Variants in FAF2 observed in about 807,000 individuals in gnomAD.
The protein encoded by FAF2 is Fas associated factor family member 2, also known as FAS-associated factor 2.
A neutral mutation model predicts 62.3 loss-of-function variants in FAF2; 9 were observed. The ratio of observed to expected loss-of-function variants is 0.14; its 90% CI spans 0.09 to 0.25. The LOEUF is 0.25. Ranked by LOEUF, FAF2 falls within the 10% of genes least tolerant of loss-of-function variation. FAF2 has a pLI of 1.00. For missense variants in FAF2, 368 were observed against 556.2 expected (o/e 0.66, Z 3.40); for synonymous variants, 202 against 198.0 (o/e 1.02, Z -0.17).
chr5:176,476,631 T>C (rs1409076760), intron 1 of FAF2, among the ~76,000 whole-genome samples: 1 of 110,554 alleles, frequency 9.0e-6, no homozygotes, highest in East Asian at 3.7e-4. Flanking sequence ...GAGTCCCTTT[T>C]TTTTTTTTTT....
intron 10 of FAF2, 60 bp from the exon 11 acceptor site, chr5:176,506,698 CGTGTGTGCGT>C (rs1425009538): frequency 0.031 from 4,652 of 148,184 alleles, no homozygotes; most frequent in Non-Finnish European, 0.038. Context: ...GTTGTGTGTG[CGTGTGTGCGT>C]GTGTGTGTGT....
intron 2 of FAF2, among the ~76,000 whole-genome samples, chr5:176,483,296 G>A (rs1057322888): frequency 2.0e-5 from 3 of 151,944 alleles, no homozygotes; most frequent in Non-Finnish European, 4.4e-5. Flanking sequence ...TTCTTTTGTC[G>A]CGTGTGCTTT....
intron 4 of FAF2, among the ~76,000 whole-genome samples, chr5:176,490,038 T>G (rs973128381): frequency 6.6e-6 from 1 of 152,112 alleles, no homozygotes; most frequent in Non-Finnish European, 1.5e-5. Context: ...CTGGCCGGGC[T>G]CTGTGGCTCA....
At chr5:176,492,502 C>G (rs772342064) in intron 5 of FAF2, among the ~76,000 whole-genome samples, 170 bp downstream of exon 5, 7 of 152,218 alleles carry the variant, frequency 4.6e-5, no homozygotes, top group Non-Finnish European at 8.8e-5. Flanking sequence ...GCTGGCCCCT[C>G]TTTGATCTAA....
chr5:176,455,816 G>A (rs1426082619), intron 1 of FAF2, among the ~76,000 whole-genome samples: 3 of 149,384 alleles, frequency 2.0e-5, no homozygotes, highest in Non-Finnish European at 4.4e-5. Flanking sequence ...TAAAGAAAAC[G>A]ATAGGCTTTT....
At chr5:176,472,823 A>G (rs1758598615) in intron 1 of FAF2, among the ~76,000 whole-genome samples, 1 of 152,086 alleles carries the variant, frequency 6.6e-6, no homozygotes, top group South Asian at 2.1e-4. Context: ...GCCTGAAATG[A>G]ATGATCTTTC....
chr5:176,485,145 C>G (rs114522096), intron 2 of FAF2, among the ~76,000 whole-genome samples: 1 of 152,106 alleles, frequency 6.6e-6, no homozygotes, highest in Non-Finnish European at 1.5e-5. Flanking sequence ...CATTCAAGTT[C>G]GGTACTATAC....
chr5:176,493,053 T>C (rs1338065952), intron 5 of FAF2, among the ~76,000 whole-genome samples: 1 of 152,290 alleles, frequency 6.6e-6, no homozygotes, highest in Non-Finnish European at 1.5e-5. Flanking sequence ...GGTATATCTC[T>C]AGTTTGCCAG....
chr5:176,452,545 G>T (rs879902846), intron 1 of FAF2, among the ~76,000 whole-genome samples: 1 of 152,182 alleles, frequency 6.6e-6, no homozygotes, highest in Non-Finnish European at 1.5e-5. Context: ...TCTAGATCTG[G>T]ACTTGATGGC....
At chr5:176,476,709 C>A (rs1758698761) in intron 1 of FAF2, among the ~76,000 whole-genome samples, 2 of 147,046 alleles carry the variant, frequency 1.4e-5, no homozygotes, top group South Asian at 4.5e-4. Flanking sequence ...CTCGGCTCAC[C>A]ACAACCTCTG....
At chr5:176,454,597 AAAAAAAAAAAAAAAT>A (rs1463168764) in intron 1 of FAF2, among the ~76,000 whole-genome samples, 1 of 136,700 alleles carries the variant, frequency 7.3e-6, no homozygotes, top group Non-Finnish European at 1.6e-5. Context: ...AAAAAAAAAA[AAAAAAAAAAAAAAAT>A]CTAATAATAC....
chr5:176,488,855 G>C (rs547179759), intron 3 of FAF2, 96 bp from the exon 4 acceptor site: 93 of 950,074 alleles, frequency 9.8e-5, no homozygotes, highest in Middle Eastern at 2.1e-4. Flanking sequence ...CAAATCACAT[G>C]GAAGGACCAA....
intron 3 of FAF2, among the ~76,000 whole-genome samples, chr5:176,487,277 C>T (rs762901152): frequency 7.9e-5 from 12 of 152,102 alleles, no homozygotes; most frequent in Non-Finnish European, 1.2e-4. Context: ...CTAGACCTCC[C>T]GGGCTCAAGC....
intron 10 of FAF2, among the ~76,000 whole-genome samples, chr5:176,505,500 G>A (rs1755661441): frequency 6.6e-6 from 1 of 152,108 alleles, no homozygotes; most frequent in South Asian, 2.1e-4. Context: ...TGGGGAACAG[G>A]TGGTGTTTGG....
intron 1 of FAF2, among the ~76,000 whole-genome samples, chr5:176,471,762 C>G (rs1044590466): frequency 4.0e-5 from 6 of 150,830 alleles, no homozygotes; most frequent in African/African-American, 1.5e-4. Context: ...TCTTGGCTCA[C>G]CGCAACCACC....
chr5:176,502,873 C>T (rs998382646), intron 10 of FAF2, among the ~76,000 whole-genome samples: 6 of 151,566 alleles, frequency 4.0e-5, no homozygotes, highest in East Asian at 2.0e-4. Flanking sequence ...TATGGTGAAA[C>T]GCCGTCTTTA....
At chr5:176,485,210 G>A (rs1164948805) in intron 2 of FAF2, among the ~76,000 whole-genome samples, 1 of 152,174 alleles carries the variant, frequency 6.6e-6, no homozygotes, top group African/African-American at 2.4e-5. Context: ...GATAAGAAGG[G>A]ACTACTGTAT....
chr5:176,477,106 CCTTT>C (rs1758712497), intron 1 of FAF2, among the ~76,000 whole-genome samples: 2 of 143,688 alleles, frequency 1.4e-5, no homozygotes, highest in African/African-American at 5.4e-5. Flanking sequence ...CCGTGCCCGG[CCTTT>C]TTTTTTTTTT....
chr5:176,490,276 A>C lies in FAF2; in HGVS notation c.344+1249A>C, dbSNP rs185582388. Among the ~76,000 whole-genome samples, 969 of 149,940 alleles carry C rather than the reference A, an allele frequency of 6.5e-3. 10 individuals are homozygous for C. The highest frequency in any genetic ancestry group is 0.031 in the Middle Eastern group (9 of 286). On this transcript the variant is annotated intron_variant, in intron 4 of 10. Transcript: ENST00000261942. ...CAGTGAGCCTAGATCGCACCACTGC[A>C]CTCCAGCCTGGGTGAGAGAGTGGGA...
Sources: gnomAD v4.1 joint callset for allele counts (sites outside exome capture counted in the v4.1 genomes callset) on GRCh38, gnomAD v4.1.1 for gene constraint, MANE v1.5 for transcripts, NCBI Gene and HGNC (gene_info 2026-07-23, HGNC 2026-07-21) for gene names.